Variants in RPA1 observed in about 807,000 individuals in gnomAD.
RPA1 encodes the protein replication protein A1, also known as replication protein A 70 kDa DNA-binding subunit.
A neutral mutation model predicts 83.0 loss-of-function variants in RPA1; 49 were observed. The ratio of observed to expected loss-of-function variants is 0.59; its 90% CI spans 0.47 to 0.75. The LOEUF is 0.75. Ranked by LOEUF, RPA1 falls within the 30% of genes least tolerant of loss-of-function variation. RPA1 has a pLI of 0.00. For synonymous variants in RPA1, 279 were observed against 281.8 expected (o/e 0.99, Z 0.10); for missense variants, 693 against 776.1 (o/e 0.89, Z 1.27).
intron 13 of RPA1, among the ~76,000 whole-genome samples, chr17:1,886,979 C>T (rs1047917311): frequency 6.6e-6 from 1 of 152,086 alleles, no homozygotes; most frequent in African/African-American, 2.4e-5. Flanking sequence ...GCTTCCTGAC[C>T]TCTCTCAGCC....
At chr17:1,878,554 C>T (rs1347192316) in intron 8 of RPA1, among the ~76,000 whole-genome samples, 3 of 152,128 alleles carry the variant, frequency 2.0e-5, no homozygotes, top group Middle Eastern at 3.2e-3. Flanking sequence ...GCAATGGCTC[C>T]GAATGTGAAG....
intron 16 of RPA1, among the ~76,000 whole-genome samples, chr17:1,895,579 G>T (rs1339996987): frequency 1.3e-5 from 2 of 151,682 alleles, no homozygotes; most frequent in Non-Finnish European, 2.9e-5. Flanking sequence ...TTCTAAGTCA[G>T]TCAGTCAGTA....
At chr17:1,850,982 A>G (rs1181278594) in intron 4 of RPA1, among the ~76,000 whole-genome samples, 2 of 151,702 alleles carry the variant, frequency 1.3e-5, no homozygotes, top group African/African-American at 4.9e-5. Flanking sequence ...AACATCTACA[A>G]ACATAGACAG....
chr17:1,880,685 G>A lies in RPA1; in HGVS notation c.1235G>A (p.Arg412His), dbSNP rs764606507. 3.9e-5 allele frequency: 63 copies of A among 1,613,272 alleles called. No homozygotes were observed. Among genetic ancestry groups the A allele is most frequent in the Middle Eastern group, 1.8e-4 (1 of 5,436 alleles). Residue 412 changes from arginine to histidine, a missense_variant, in exon 12 of 17, where the codon CGT (arginine) becomes CAT (histidine). Arg to His is a conservative substitution (Grantham distance 29). Transcript: ENST00000254719. ...NPDIPEAYKL[R>H]GWFDAEGQAL... ...GACATCCCAGAGGCCTATAAGCTTCGTGGATGGTAGGTTTTGTGGGGCTAA... is the reference window on the plus strand; with the variant it reads ...GACATCCCAGAGGCCTATAAGCTTCATGGATGGTAGGTTTTGTGGGGCTAA...
intron 4 of RPA1, among the ~76,000 whole-genome samples, chr17:1,845,826 G>C (rs9912721): frequency 0.025 from 3,732 of 152,210 alleles, 151 homozygotes; most frequent in African/African-American, 0.083. Context: ...CAGCTACTCG[G>C]AAGGCTGAGG....
intron 3 of RPA1, 114 bp downstream of exon 3, chr17:1,844,112 A>G: frequency 1.3e-6 from 1 of 790,468 alleles, no homozygotes; most frequent in Non-Finnish European, 2.1e-6. Context: ...TTGCTTGGCT[A>G]CGTACTTCAT....
intron 4 of RPA1, among the ~76,000 whole-genome samples, chr17:1,847,472 G>A (rs1002519728): frequency 1.9e-4 from 29 of 152,208 alleles, no homozygotes; most frequent in African/African-American, 7.0e-4. Flanking sequence ...TGATGGCACT[G>A]CCTCAGCTTG....
At chr17:1,849,449 C>T (rs1456100128) in intron 4 of RPA1, among the ~76,000 whole-genome samples, 1 of 151,804 alleles carries the variant, frequency 6.6e-6, no homozygotes, top group Non-Finnish European at 1.5e-5. Context: ...CCCACCGCCA[C>T]GCCCGGCTAA....
intron 13 of RPA1, among the ~76,000 whole-genome samples, chr17:1,886,124 A>T (rs1913982726): frequency 6.6e-6 from 1 of 150,868 alleles, no homozygotes; most frequent in Non-Finnish European, 1.5e-5. Context: ...CAATATATTA[A>T]TCTCCTCGTA....
At chr17:1,886,181 G>C (rs1223201981) in intron 13 of RPA1, among the ~76,000 whole-genome samples, 1 of 150,994 alleles carries the variant, frequency 6.6e-6, no homozygotes, top group Non-Finnish European at 1.5e-5. Context: ...CATTGTCAAT[G>C]AGCAGTCATA....
intron 8 of RPA1, among the ~76,000 whole-genome samples, chr17:1,878,354 A>G (rs1042518103): frequency 3.3e-5 from 5 of 152,246 alleles, no homozygotes; most frequent in African/African-American, 9.7e-5. Flanking sequence ...GGAAGTTGAT[A>G]TAACACCCAA....
chr17:1,876,818 G>T (rs1213608941), intron 7 of RPA1, among the ~76,000 whole-genome samples: 1 of 152,160 alleles, frequency 6.6e-6, no homozygotes, highest in African/African-American at 2.4e-5. Context: ...TGTTACGAAT[G>T]AGACAGAAGT....
intron 5 of RPA1, chr17:1,858,226 A>C (rs1289726179): frequency 6.2e-7 from 1 of 1,613,722 alleles, no homozygotes; most frequent in Non-Finnish European, 8.5e-7. Context: ...TGCTGGCCCC[A>C]GACACAGGGA....
At chr17:1,861,611 C>CT (rs1912974263) in intron 5 of RPA1, among the ~76,000 whole-genome samples, 1 of 152,210 alleles carries the variant, frequency 6.6e-6, no homozygotes, top group Admixed American at 6.5e-5. Flanking sequence ...TGTTTCTTCT[C>CT]TGTTTGTCTC....
intron 1 of RPA1, among the ~76,000 whole-genome samples, chr17:1,831,161 A>G (rs1305196349): frequency 6.6e-6 from 1 of 152,192 alleles, no homozygotes; most frequent in African/African-American, 2.4e-5. Context: ...AACTTCCGTC[A>G]TCTGTCTGCT....
At chr17:1,861,196 T>A (rs1172703618) in intron 5 of RPA1, among the ~76,000 whole-genome samples, 1 of 152,160 alleles carries the variant, frequency 6.6e-6, no homozygotes, top group Non-Finnish European at 1.5e-5. Context: ...TGGAGTTCTC[T>A]GTGTACAGCC....
chr17:1,877,769 T>C (rs1281522761), intron 8 of RPA1, among the ~76,000 whole-genome samples: 1 of 152,178 alleles, frequency 6.6e-6, no homozygotes, highest in East Asian at 1.9e-4. Context: ...AGGCACACAG[T>C]TGTGACCTCG....
rs1370952686 is a variant in RPA1 at position 1,843,973 on chromosome 17, G to T, written c.138G>T (p.Met46Ile). ...GTCCGCCGCGTTATCGACTGCTCAT[G>T]AGTGATGGATTGAACACTCTATCCT... is the stretch of plus-strand genomic sequence containing the variant. ...GNSPPRYRLLMSDGLNTLSSF... is the reference protein window; with the variant it reads ...GNSPPRYRLLISDGLNTLSSF... The change falls in exon 3 of 17, where the codon ATG becomes ATT. Residue 46 changes from methionine to isoleucine, a missense_variant. By Grantham distance (10) the Met-to-Ile change is conservative (BLOSUM62 1). Transcript: ENST00000254719. 1.9e-6 allele frequency: 3 copies of T among 1,613,958 alleles called. No individual in the cohort carries two copies. The highest frequency in any genetic ancestry group is 2.5e-6 in the Non-Finnish European group (3 of 1,179,924).
Position 1,897,288 on chromosome 17 carries a change from G to A in RPA1, c.*113G>A. ...CTACACAGTGCAGAGGCTCTTGATG[G>A]TGGACTAAGCAATTTCCCCCCTCGT... On this transcript the variant is annotated 3_prime_UTR_variant, in exon 17 of 17. Transcript: ENST00000254719. The A allele has an allele frequency of 5.0e-6, 4 of 795,184 alleles. No homozygotes were observed. The highest frequency in any genetic ancestry group is 8.0e-6 in the Non-Finnish European group (4 of 500,580). The allele number at this position is 795,184 out of a possible 1,614,324, so 49.3% of individuals were successfully genotyped here. A position where few individuals can be genotyped will look rare whatever the true frequency, so the allele number is the denominator to read the frequency against.
Sources: gnomAD v4.1 joint callset for allele counts (sites outside exome capture counted in the v4.1 genomes callset) on GRCh38, gnomAD v4.1.1 for gene constraint, MANE v1.5 for transcripts, NCBI Gene and HGNC (gene_info 2026-07-23, HGNC 2026-07-21) for gene names.